Variants in DENND1A observed in about 807,000 individuals in gnomAD.
DENND1A encodes DENN domain containing 1A, also known as DENN domain-containing protein 1A.
In DENND1A, 51 loss-of-function variants were observed where a neutral mutation model predicts 113.7. That is an observed-to-expected ratio of 0.45 (90% CI 0.36 to 0.57). DENND1A has a LOEUF of 0.57. DENND1A is among the 20% of genes least tolerant of loss of function. DENND1A has a pLI of 0.00. For missense variants in DENND1A, 1,258 were observed against 1,395.9 expected, an observed-to-expected ratio of 0.90 and a Z score of 1.57; for synonymous variants, 565 against 570.8, an observed-to-expected ratio of 0.99 and a Z score of 0.14.
chr9:123,825,162 G>A (rs772536054), intron 2 of DENND1A, among the ~76,000 whole-genome samples: 4 of 151,896 alleles, frequency 2.6e-5, no homozygotes, highest in Admixed American at 6.6e-5. Context: ...TTCTTATCAC[G>A]TAAAATTAAC....
intron 21 of DENND1A, among the ~76,000 whole-genome samples, chr9:123,390,549 A>T (rs2042786238): frequency 6.6e-6 from 1 of 152,212 alleles, no homozygotes; most frequent in South Asian, 2.1e-4. Flanking sequence ...CGCAATACTG[A>T]TTTTCTAGAG....
At position 123,436,343 on chromosome 9, in the gene DENND1A, T is replaced by TG. The variant is rs2046517177; in HGVS notation, c.1488+4016dup. 3.9e-5 allele frequency among the ~76,000 whole-genome samples: 6 copies of TG among 152,244 alleles called. No homozygotes were observed. In the South Asian group the frequency reaches 1.2e-3, roughly 32 times the overall value. On this transcript the variant is annotated intron_variant, in intron 19 of 23. Coordinates refer to ENST00000394215, the MANE Select transcript of DENND1A (RefSeq NM_001352964.2). The stretch of plus-strand genomic sequence containing the variant: ...TGGGCAGCTCCAACCTGGAGAGACC[T>TG]GCCATTGTCCACTTATCTCGAGTGG...
Position 123,622,278 on chromosome 9 carries a change from G to C in DENND1A, c.719+8098C>G, listed in dbSNP as rs550604909. On this transcript the variant is annotated intron_variant, in intron 10 of 23. Transcript: ENST00000394215. Reference sequence around the variant, plus strand: ...TTTTATCACAAATGTGTGTTAATAAGTGCCTAGAATAAACCAAATATACAA... The same window carrying C: ...TTTTATCACAAATGTGTGTTAATAACTGCCTAGAATAAACCAAATATACAA... 5.1e-4 allele frequency among the ~76,000 whole-genome samples: 78 copies of C among 152,276 alleles called. No homozygotes were observed. In the South Asian group the frequency reaches 0.015, roughly 30 times the overall value.
At chr9:123,733,619 C>CT (rs2068343300) in intron 5 of DENND1A, among the ~76,000 whole-genome samples, 1 of 151,606 alleles carries the variant, frequency 6.6e-6, no homozygotes, top group Non-Finnish European at 1.5e-5. Context: ...TAAGAACTTC[C>CT]TTTTTTTATT....
intron 5 of DENND1A, among the ~76,000 whole-genome samples, chr9:123,750,401 T>C (rs1324737642): frequency 6.6e-6 from 1 of 152,214 alleles, no homozygotes; most frequent in Non-Finnish European, 1.5e-5. Context: ...ACTGATGTTC[T>C]GAAGAGCACC....
chr9:123,583,859 A>G (rs1279928723), intron 11 of DENND1A, among the ~76,000 whole-genome samples: 1 of 152,204 alleles, frequency 6.6e-6, no homozygotes, highest in African/African-American at 2.4e-5. Context: ...GCCATAAGCC[A>G]TTATTCTACT....
chr9:123,409,650 C>A (rs1304103637), intron 20 of DENND1A, among the ~76,000 whole-genome samples: 1 of 151,960 alleles, frequency 6.6e-6, no homozygotes, highest in Non-Finnish European at 1.5e-5. Flanking sequence ...AAACTGGTGA[C>A]AATGCCTACT....
chr9:123,742,578 G>A (rs1270317914), intron 5 of DENND1A, among the ~76,000 whole-genome samples: 3 of 152,120 alleles, frequency 2.0e-5, no homozygotes, highest in Non-Finnish European at 4.4e-5. Flanking sequence ...TAGGGTAGAC[G>A]AACAAAAACC....
At chr9:123,663,874 T>A (rs1338176498) in intron 8 of DENND1A, among the ~76,000 whole-genome samples, 1 of 151,934 alleles carries the variant, frequency 6.6e-6, no homozygotes, top group Non-Finnish European at 1.5e-5. Context: ...AAAAGAATAC[T>A]TCTGTCTCAA....
chr9:123,755,263 C>T (rs1044731623), intron 5 of DENND1A, among the ~76,000 whole-genome samples: 5 of 151,800 alleles, frequency 3.3e-5, no homozygotes, highest in Non-Finnish European at 7.4e-5. Context: ...GTTGGGATTA[C>T]AGGCACCTGC....
chr9:123,684,060 T>A (rs2064648479), intron 5 of DENND1A, among the ~76,000 whole-genome samples: 1 of 152,112 alleles, frequency 6.6e-6, no homozygotes, highest in East Asian at 1.9e-4. Flanking sequence ...CAAGGAATAC[T>A]TACAAACAAG....
At chr9:123,614,798 G>A (rs906612795) in intron 10 of DENND1A, among the ~76,000 whole-genome samples, 47 of 152,178 alleles carry the variant, frequency 3.1e-4, no homozygotes, top group Admixed American at 2.0e-3. Flanking sequence ...TTACCTCTCA[G>A]AGGGCCACCA....
chr9:123,872,375 GTAA>G (rs1250218656), intron 2 of DENND1A, among the ~76,000 whole-genome samples: 3 of 152,126 alleles, frequency 2.0e-5, no homozygotes, highest in Non-Finnish European at 4.4e-5. Flanking sequence ...TAAACATGAT[GTAA>G]TAATTCATAG....
chr9:123,449,523 G>T (rs542677137), intron 18 of DENND1A, among the ~76,000 whole-genome samples: 40 of 142,310 alleles, frequency 2.8e-4, no homozygotes, highest in African/African-American at 8.2e-4. Context: ...AACACAGTGA[G>T]ACTCCGTCTC....
At chr9:123,706,546 C>T (rs1448963085) in intron 5 of DENND1A, among the ~76,000 whole-genome samples, 2 of 151,432 alleles carry the variant, frequency 1.3e-5, no homozygotes, top group Non-Finnish European at 2.9e-5. Context: ...CCGAGACGGG[C>T]GGATCACGAG....
At chr9:123,623,950 C>A (rs781522144) in intron 10 of DENND1A, among the ~76,000 whole-genome samples, 1 of 152,210 alleles carries the variant, frequency 6.6e-6, no homozygotes, top group African/African-American at 2.4e-5. Context: ...ATGGCCTACA[C>A]TGTTGTCCTG....
chr9:123,809,876 G>C (rs1318943446), intron 2 of DENND1A, among the ~76,000 whole-genome samples: 1 of 152,034 alleles, frequency 6.6e-6, no homozygotes, highest in African/African-American at 2.4e-5. Context: ...TCACCACGTC[G>C]GCCAGGCTGG....
intron 13 of DENND1A, among the ~76,000 whole-genome samples, chr9:123,498,854 C>T (rs1215268341): frequency 6.6e-6 from 1 of 152,024 alleles, no homozygotes; most frequent in Non-Finnish European, 1.5e-5. Flanking sequence ...TCTCCAGTAG[C>T]TGGGATTACA....
At chr9:123,798,325 C>T (rs1370827942) in intron 2 of DENND1A, 1 of 152,166 alleles carries the variant, frequency 6.6e-6, no homozygotes, top group African/African-American at 2.4e-5. Flanking sequence ...CATATTCTGC[C>T]ATTCAGACAT....
Sources: allele counts gnomAD v4.1 joint callset (sites outside exome capture counted in the v4.1 genomes callset), GRCh38; gene constraint gnomAD v4.1.1; transcripts MANE v1.5; gene names NCBI Gene and HGNC (gene_info 2026-07-23, HGNC 2026-07-21).